Variants in DSCAM observed in about 807,000 individuals in gnomAD.
The protein encoded by DSCAM is cell adhesion molecule DSCAM.
In DSCAM, 47 loss-of-function variants were observed where a neutral mutation model predicts 217.7. The observed-to-expected ratio is 0.22, with a 90% CI of 0.17 to 0.28. The LOEUF (loss-of-function observed/expected upper bound fraction) is 0.28, where lower values mean the gene tolerates loss of function less well. Ranked by LOEUF, DSCAM falls within the 10% of genes least tolerant of loss-of-function variation. DSCAM has a pLI of 1.00. For missense variants in DSCAM, 2,080 were observed against 2,618.3 expected (o/e 0.79, Z 4.49); for synonymous variants, 1,056 against 1,015.3 (o/e 1.04, Z -0.76).
At chr21:40,580,562 G>C (rs947010952) in intron 3 of DSCAM, among the ~76,000 whole-genome samples, 11 of 151,748 alleles carry the variant, frequency 7.2e-5, no homozygotes, top group African/African-American at 2.4e-4. Context: ...ACAGACTACT[G>C]AGAACGTTAA....
At chr21:40,124,099 T>C (rs1601354898) in intron 20 of DSCAM, 96 bp downstream of exon 20, 14 of 1,541,344 alleles carry the variant, frequency 9.1e-6, no homozygotes, top group Non-Finnish European at 8.9e-7. Context: ...AAGACCCAGG[T>C]AGGTGGGAAA....
At chr21:40,382,547 G>GTGA (rs1253566941) in intron 3 of DSCAM, among the ~76,000 whole-genome samples, 1 of 152,170 alleles carries the variant, frequency 6.6e-6, no homozygotes, top group Non-Finnish European at 1.5e-5. Context: ...CCAATGACAC[G>GTGA]TGATGATGTC....
rs192392540 is a variant in DSCAM at position 40,813,084 on chromosome 21, G to T, written c.43+33535C>A. Among the ~76,000 whole-genome samples the T allele has an allele frequency of 7.9e-5, 12 of 152,278 alleles. No individual in the cohort carries two copies. In the East Asian group the frequency reaches 2.3e-3, roughly 29 times the overall value. ...TTTCGACATGTCTTCAGAGAACTCT[G>T]GCTTTGAAATACGAGGAGAAATACA... On this transcript the variant is annotated intron_variant, in intron 1 of 32. Transcript: ENST00000400454.
intron 11 of DSCAM, among the ~76,000 whole-genome samples, chr21:40,250,410 T>C (rs1414400039): frequency 6.6e-6 from 1 of 152,218 alleles, no homozygotes; most frequent in East Asian, 1.9e-4. Flanking sequence ...TATGACACTA[T>C]GTGGTAAGCT....
At chr21:40,749,226 T>C (rs1391520674) in intron 1 of DSCAM, among the ~76,000 whole-genome samples, 1 of 152,064 alleles carries the variant, frequency 6.6e-6, no homozygotes, top group Non-Finnish European at 1.5e-5. Flanking sequence ...ACAAATGGAA[T>C]TATATCAAAT....
intron 1 of DSCAM, among the ~76,000 whole-genome samples, chr21:40,818,001 C>T (rs1029757986): frequency 6.8e-6 from 1 of 146,294 alleles, no homozygotes; most frequent in African/African-American, 2.5e-5. Context: ...GAGGCTGAGG[C>T]AGGAGAATGG....
chr21:40,274,481 T>C (rs1489470479), intron 11 of DSCAM, among the ~76,000 whole-genome samples: 2 of 152,228 alleles, frequency 1.3e-5, no homozygotes, highest in African/African-American at 4.8e-5. Context: ...GGGTCCTAGA[T>C]ATGTGTTTAT....
intron 14 of DSCAM, among the ~76,000 whole-genome samples, chr21:40,180,501 T>C (rs1239224440): frequency 6.6e-6 from 1 of 152,042 alleles, no homozygotes; most frequent in Non-Finnish European, 1.5e-5. Context: ...TGGGATTCAA[T>C]GGAAGACAAA....
At chr21:40,790,108 A>G (rs942874815) in intron 1 of DSCAM, among the ~76,000 whole-genome samples, 3 of 151,842 alleles carry the variant, frequency 2.0e-5, no homozygotes, top group Non-Finnish European at 2.9e-5. Context: ...ACAAGCCACT[A>G]TCTGGAGCTC....
intron 3 of DSCAM, among the ~76,000 whole-genome samples, chr21:40,396,753 C>T (rs2075182499): frequency 6.6e-6 from 1 of 152,202 alleles, no homozygotes; most frequent in Non-Finnish European, 1.5e-5. Flanking sequence ...ACAGCTACTA[C>T]AACTGATGCT....
chr21:40,196,862 C>T (rs2091015301), intron 11 of DSCAM, among the ~76,000 whole-genome samples: 2 of 152,158 alleles, frequency 1.3e-5, no homozygotes, highest in Admixed American at 1.3e-4. Context: ...ATGGAAATGA[C>T]CCAAGACACA....
intron 3 of DSCAM, among the ~76,000 whole-genome samples, chr21:40,508,152 T>C (rs930607865): frequency 7.2e-5 from 11 of 152,214 alleles, no homozygotes; most frequent in African/African-American, 2.7e-4. Context: ...CACTGATTTA[T>C]TTAATTTCTG....
chr21:40,543,821 A>G (rs972996061), intron 3 of DSCAM, among the ~76,000 whole-genome samples: 1 of 152,198 alleles, frequency 6.6e-6, no homozygotes, highest in African/African-American at 2.4e-5. Flanking sequence ...ATTATTATTC[A>G]TAATCTCCTG....
Position 40,085,776 on chromosome 21 carries a change from G to A in DSCAM, c.3969-11C>T. 2 of 1,481,086 alleles carry A rather than the reference G, an allele frequency of 1.4e-6. No homozygotes were observed. The highest frequency in any genetic ancestry group is 1.8e-6 in the Non-Finnish European group (2 of 1,099,616). The allele number at this position is 1,481,086 out of a possible 1,614,324, so 91.7% of individuals were successfully genotyped here. On this transcript the variant is annotated splice_polypyrimidine_tract_variant and intron_variant, in intron 22 of 32. Coordinates refer to ENST00000400454, the MANE Select transcript of DSCAM (RefSeq NM_001389.5). ...CTGGGTGTCCCGTTACTGCCTCACA[G>A]GAAGAAAAATGCACAGATTAAAGAA...
intron 3 of DSCAM, among the ~76,000 whole-genome samples, chr21:40,464,220 T>A (rs919636496): frequency 6.6e-6 from 1 of 152,332 alleles, no homozygotes; most frequent in South Asian, 2.1e-4. Context: ...CCGGGACTGT[T>A]CTGGGAACAT....
chr21:40,105,555 T>C (rs1006598581), intron 20 of DSCAM, among the ~76,000 whole-genome samples: 1 of 152,146 alleles, frequency 6.6e-6, no homozygotes, highest in African/African-American at 2.4e-5. Context: ...GAAGGACATG[T>C]TTGTGTCCCC....
At chr21:40,389,075 G>A (rs1273186001) in intron 3 of DSCAM, among the ~76,000 whole-genome samples, 1 of 152,178 alleles carries the variant, frequency 6.6e-6, no homozygotes, top group Non-Finnish European at 1.5e-5. Flanking sequence ...CATAAAAGAT[G>A]AATAGAAATC....
At chr21:40,111,172 T>C (rs62237600) in intron 20 of DSCAM, among the ~76,000 whole-genome samples, 18,658 of 152,102 alleles carry the variant, frequency 0.12, 1,251 homozygotes, top group Non-Finnish European at 0.16. Context: ...AGAGAAAGGT[T>C]GGGTTACCCA....
At chr21:40,177,743 T>C (rs2090749117) in intron 15 of DSCAM, among the ~76,000 whole-genome samples, 1 of 152,244 alleles carries the variant, frequency 6.6e-6, no homozygotes, top group East Asian at 1.9e-4. Context: ...TAGTGAGAGA[T>C]ATCATTACAA....
Sources: allele counts gnomAD v4.1 joint callset (sites outside exome capture counted in the v4.1 genomes callset), GRCh38; gene constraint gnomAD v4.1.1; transcripts MANE v1.5; gene names NCBI Gene and HGNC (gene_info 2026-07-23, HGNC 2026-07-21).